RPS6KA2: variants seen among roughly 807,000 people sequenced by gnomAD.
RPS6KA2 encodes ribosomal protein S6 kinase alpha-2.
Under a neutral mutation model 91.8 loss-of-function variants are expected in RPS6KA2, and 42 were observed. The observed-to-expected ratio is 0.46, with a 90% CI of 0.36 to 0.59. The LOEUF (loss-of-function observed/expected upper bound fraction) is 0.59. Ranked by LOEUF, RPS6KA2 falls within the 20% of genes least tolerant of loss-of-function variation. RPS6KA2 has a pLI of 0.00. For missense variants in RPS6KA2, 798 were observed against 978.5 expected, an observed-to-expected ratio of 0.82 and a Z score of 2.46; for synonymous variants, 414 against 393.6, an observed-to-expected ratio of 1.05 and a Z score of -0.61.
chr6:166,556,176 C>T (rs921624485), intron 1 of RPS6KA2, among the ~76,000 whole-genome samples: 6 of 152,166 alleles, frequency 3.9e-5, no homozygotes, highest in African/African-American at 1.4e-4. Flanking sequence ...CCTGGATGGG[C>T]AGGAAATCAG....
intron 14 of RPS6KA2, among the ~76,000 whole-genome samples, chr6:166,443,104 TAAG>T (rs1341711733): frequency 3.3e-5 from 5 of 152,182 alleles, no homozygotes; most frequent in African/African-American, 1.2e-4. Flanking sequence ...TATACTGTAT[TAAG>T]AATACAGTAT....
At chr6:166,811,662 C>T (rs959604636) in intron 2 of RPS6KA2, among the ~76,000 whole-genome samples, 2 of 152,188 alleles carry the variant, frequency 1.3e-5, no homozygotes, top group Non-Finnish European at 2.9e-5. Flanking sequence ...TTTATATGTA[C>T]AAAAATTCTT....
rs543755095 is a variant in RPS6KA2 at position 166,437,167 on chromosome 6, C to T, written c.1333-4677G>A. Among the ~76,000 whole-genome samples, 24 of 152,078 alleles carry T rather than the reference C, an allele frequency of 1.6e-4. No homozygotes were observed. The highest frequency in any genetic ancestry group is 4.6e-4 in the African/African-American group (19 of 41,480). ...TGGAGTACATGACCTGGATCTGCTG[C>T]GGGCAGCCGGGGTTTGGACACACTG... On this transcript the variant is annotated intron_variant, in intron 14 of 20. Coordinates refer to ENST00000265678, the MANE Select transcript of RPS6KA2 (RefSeq NM_021135.6). The surrounding 1 kb of genome is among the most constrained non-coding windows in gnomAD (Gnocchi z 4.3).
intron 2 of RPS6KA2, among the ~76,000 whole-genome samples, chr6:166,646,541 C>T (rs967604048): frequency 6.6e-6 from 1 of 152,262 alleles, no homozygotes; most frequent in Admixed American, 6.5e-5. Context: ...AGGGCCCCGC[C>T]AGGAAGACCT....
intron 14 of RPS6KA2, among the ~76,000 whole-genome samples, chr6:166,444,894 T>C (rs569535378): frequency 1.3e-5 from 2 of 152,248 alleles, no homozygotes; most frequent in African/African-American, 4.8e-5. Context: ...TTTGGCAGAG[T>C]ACCCAGCATA....
chr6:166,443,676 CTA>C (rs1269191413), intron 14 of RPS6KA2, among the ~76,000 whole-genome samples: 1 of 152,130 alleles, frequency 6.6e-6, no homozygotes, highest in Non-Finnish European at 1.5e-5. Context: ...AATGCTGAAT[CTA>C]TGTTTGTTTA....
chr6:166,455,123 C>G (rs1047070999), intron 12 of RPS6KA2, among the ~76,000 whole-genome samples: 2 of 152,126 alleles, frequency 1.3e-5, no homozygotes, highest in Non-Finnish European at 2.9e-5. Context: ...TTCTTCCCCC[C>G]CTCGTCTGTT....
At chr6:166,779,626 G>A (rs1454161809) in intron 2 of RPS6KA2, among the ~76,000 whole-genome samples, 10 of 152,294 alleles carry the variant, frequency 6.6e-5, no homozygotes, top group South Asian at 6.2e-4. Flanking sequence ...TCACACAGCC[G>A]TGATCGCCCA....
chr6:166,450,572 A>G (rs1028524191), intron 13 of RPS6KA2, among the ~76,000 whole-genome samples: 14 of 148,628 alleles, frequency 9.4e-5, no homozygotes, highest in African/African-American at 3.5e-4. Flanking sequence ...CCAAGGGACC[A>G]CCATGAGGAC....
intron 3 of RPS6KA2, among the ~76,000 whole-genome samples, chr6:166,518,543 A>G (rs1363584868): frequency 6.6e-6 from 1 of 152,208 alleles, no homozygotes; most frequent in Non-Finnish European, 1.5e-5. Flanking sequence ...GAATCCAGCC[A>G]TGACAGTGAA....
intron 1 of RPS6KA2, among the ~76,000 whole-genome samples, chr6:166,622,457 G>A (rs548190812): frequency 3.3e-5 from 5 of 152,058 alleles, no homozygotes; most frequent in South Asian, 4.1e-4. Flanking sequence ...ATAAAATTAA[G>A]ATAAACATAA....
At chr6:166,464,318 T>C (rs563636297) in intron 11 of RPS6KA2, among the ~76,000 whole-genome samples, 5 of 152,346 alleles carry the variant, frequency 3.3e-5, no homozygotes, top group African/African-American at 1.2e-4. Flanking sequence ...CAGTCTCCTC[T>C]ACAAGTTTCT....
At chr6:166,776,426 T>G (rs1778621570) in intron 2 of RPS6KA2, among the ~76,000 whole-genome samples, 1 of 152,232 alleles carries the variant, frequency 6.6e-6, no homozygotes, top group Admixed American at 6.5e-5. Flanking sequence ...TTTTAATTTT[T>G]TTTATATCGA....
chr6:166,460,074 C>T (rs1185483717), intron 11 of RPS6KA2, among the ~76,000 whole-genome samples: 4 of 152,248 alleles, frequency 2.6e-5, no homozygotes, highest in African/African-American at 9.6e-5. Flanking sequence ...TTGCCAGTGT[C>T]TCAGGGCCTG....
chr6:166,430,609 G>C lies in RPS6KA2; in HGVS notation c.1425C>G (p.Val475=). The C allele has an allele frequency of 6.2e-7, 1 of 1,611,298 alleles. No individual in the cohort carries two copies. The highest frequency in any genetic ancestry group is 8.5e-7 in the Non-Finnish European group (1 of 1,178,094). ...QHPNIITLKD[V]YDDGKFVYLV... ...GGTACACAAACTTGCCATCATCATA[G>C]ACCTGCGGAGTGGAGAAGGGGCGCA... Residue 475 remains valine (V), a splice_region_variant and synonymous_variant, in exon 16 of 21, where the codon GTC becomes GTG. Transcript: ENST00000265678.
In RPS6KA2 at chr6:166,410,078, C is replaced by T. The variant is rs2294332; in HGVS notation, c.*2684G>A. On this transcript the variant is annotated 3_prime_UTR_variant, in exon 21 of 21. Coordinates refer to ENST00000265678, the MANE Select transcript of RPS6KA2 (RefSeq NM_021135.6). ...GGGGGGCTGCCAGGGAAGGAGGACC[C>T]TATAGGGTGGCCAGCAAGGGGCCAC... 8,827 of 151,314 alleles carry T rather than the reference C, an allele frequency of 0.058. 620 individuals are homozygous for T. The highest frequency in any genetic ancestry group is 0.33 in the East Asian group (1,677 of 5,090). 9.4% of individuals were successfully genotyped at this position (151,314 alleles called of 1,614,324 possible).
At position 166,451,078 on chromosome 6, in the gene RPS6KA2, A is replaced by G. The variant is rs754875905; in HGVS notation, c.1206+25T>C. ...TCATCCAAGTGCCCTCTTACCCCCAACCCACTGCAGGCAAACACAGTTACC... is the reference window on the plus strand; with the variant it reads ...TCATCCAAGTGCCCTCTTACCCCCAGCCCACTGCAGGCAAACACAGTTACC... On this transcript the variant is annotated intron_variant, in intron 13 of 20. Transcript: ENST00000265678. 126 of 1,613,414 alleles carry G rather than the reference A, an allele frequency of 7.8e-5. 1 individual carries two copies. In the East Asian group the frequency reaches 2.8e-3, roughly 36 times the overall value.
At chr6:166,773,208 A>C (rs1365018448) in intron 2 of RPS6KA2, among the ~76,000 whole-genome samples, 2 of 152,076 alleles carry the variant, frequency 1.3e-5, no homozygotes, top group African/African-American at 4.8e-5. Flanking sequence ...CCTCCCCTGA[A>C]GCATCTGTGA....
rs959669736 is a variant in RPS6KA2 at position 166,423,782 on chromosome 6, T to C, written c.1582-365A>G. ...AATGAAAAGCATTTTAAAGATGATA[T>C]TCATTCAATAACTACTCCCTGTGTG... On this transcript the variant is annotated intron_variant, in intron 16 of 20. Coordinates refer to ENST00000265678, the MANE Select transcript of RPS6KA2 (RefSeq NM_021135.6). The surrounding 1 kb of genome is among the most constrained non-coding windows in gnomAD (Gnocchi z 4.8). 5.5e-6 allele frequency: 1 copy of C among 181,752 alleles called. No homozygotes were observed. The highest frequency in any genetic ancestry group is 1.1e-5 in the Non-Finnish European group (1 of 87,052). The allele number at this position is 181,752 out of a possible 1,614,324, so 11.3% of individuals were successfully genotyped here.
Sources: allele counts gnomAD v4.1 joint callset (sites outside exome capture counted in the v4.1 genomes callset), GRCh38; gene constraint gnomAD v4.1.1; non-coding constraint Gnocchi (gnomAD v3.1); transcripts MANE v1.5; gene names NCBI Gene and HGNC (gene_info 2026-07-23, HGNC 2026-07-21).